Variants in ALCAM observed in about 807,000 individuals in gnomAD.
The protein encoded by ALCAM is activated leukocyte cell adhesion molecule, also known as CD166 antigen.
A neutral mutation model predicts 70.9 loss-of-function variants in ALCAM; 30 were observed. The observed-to-expected ratio is 0.42, with a 90% CI of 0.32 to 0.57. ALCAM has a LOEUF of 0.57. ALCAM is among the 20% of genes least tolerant of loss of function. ALCAM has a pLI of 0.11. For synonymous variants in ALCAM, 249 were observed against 242.5 expected (o/e 1.03, Z -0.25); for missense variants, 591 against 695.1 (o/e 0.85, Z 1.68).
chr3:105,480,410 T>C (rs1460354656), intron 1 of ALCAM, among the ~76,000 whole-genome samples: 6 of 152,104 alleles, frequency 3.9e-5, no homozygotes, highest in Non-Finnish European at 8.8e-5. Context: ...AGCTGGTGTT[T>C]TTTAAAGCTC....
chr3:105,390,102 C>T (rs1935775838), intron 1 of ALCAM, among the ~76,000 whole-genome samples: 1 of 151,960 alleles, frequency 6.6e-6, no homozygotes, highest in African/African-American at 2.4e-5. Context: ...GGTGTATACC[C>T]AGTAATGGGA....
At chr3:105,449,897 A>G (rs564366430) in intron 1 of ALCAM, among the ~76,000 whole-genome samples, 51 of 152,238 alleles carry the variant, frequency 3.4e-4, no homozygotes, top group African/African-American at 1.2e-3. Context: ...CATTAAATAG[A>G]TTGTTTTATC....
intron 1 of ALCAM, among the ~76,000 whole-genome samples, chr3:105,508,098 G>A (rs1484151543): frequency 6.6e-6 from 1 of 152,156 alleles, no homozygotes; most frequent in African/African-American, 2.4e-5. Context: ...CTGGGAGCAA[G>A]TGCCAAATTG....
chr3:105,472,610 T>G lies in ALCAM; in HGVS notation c.74-47457T>G, dbSNP rs534979275. Among the ~76,000 whole-genome samples the G allele has an allele frequency of 9.2e-5, 14 of 151,666 alleles. No individual in the cohort carries two copies. In the South Asian group the frequency reaches 2.9e-3, roughly 31 times the overall value. On this transcript the variant is annotated intron_variant, in intron 1 of 15. Coordinates refer to ENST00000306107, the MANE Select transcript of ALCAM (RefSeq NM_001627.4). ...ATACCTGTTTTATGGGTCTAGAAAC[T>G]GAGGAGCAAATAGGATTGTAAACAT...
intron 1 of ALCAM, among the ~76,000 whole-genome samples, chr3:105,440,215 G>A (rs762868128): frequency 2.0e-5 from 3 of 152,160 alleles, no homozygotes; most frequent in Non-Finnish European, 2.9e-5. Flanking sequence ...CAAAGGCATA[G>A]CATCTAAGTC....
intron 2 of ALCAM, among the ~76,000 whole-genome samples, chr3:105,523,837 G>A (rs1427215298): frequency 6.6e-6 from 1 of 152,144 alleles, no homozygotes; most frequent in Non-Finnish European, 1.5e-5. Flanking sequence ...GGTTAGAGGT[G>A]TGGACATTTA....
At chr3:105,475,803 C>G (rs928207202) in intron 1 of ALCAM, among the ~76,000 whole-genome samples, 1 of 151,914 alleles carries the variant, frequency 6.6e-6, no homozygotes, top group African/African-American at 2.4e-5. Flanking sequence ...CCCTTTCCCT[C>G]TGAACTGGAT....
At chr3:105,376,580 A>G (rs1179887637) in intron 1 of ALCAM, among the ~76,000 whole-genome samples, 2 of 152,252 alleles carry the variant, frequency 1.3e-5, no homozygotes, top group African/African-American at 2.4e-5. Flanking sequence ...TCAAGATCCT[A>G]TCACTCAAAG....
At chr3:105,440,316 C>T (rs1271213197) in intron 1 of ALCAM, among the ~76,000 whole-genome samples, 1 of 152,200 alleles carries the variant, frequency 6.6e-6, no homozygotes, top group African/African-American at 2.4e-5. Flanking sequence ...ACAAAGAAAG[C>T]ATTGGTTGCA....
rs182847124 is a variant in ALCAM at position 105,478,842 on chromosome 3, G to A, written c.74-41225G>A. Among the ~76,000 whole-genome samples, 260 of 152,094 alleles carry A rather than the reference G, an allele frequency of 1.7e-3. 2 individuals are homozygous for A. Among genetic ancestry groups the A allele is most frequent in the Non-Finnish European group, 2.6e-3 (180 of 67,972 alleles). ...ATTTTTTTGGAAATAAATATTTTAC[G>A]GGAGGCATGAATGATGATTTAGAGT... On this transcript the variant is annotated intron_variant, in intron 1 of 15. Coordinates refer to ENST00000306107, the MANE Select transcript of ALCAM (RefSeq NM_001627.4).
intron 15 of ALCAM, among the ~76,000 whole-genome samples, chr3:105,573,814 G>T (rs2152636829): frequency 6.6e-6 from 1 of 152,220 alleles, no homozygotes; most frequent in Middle Eastern, 3.4e-3. Context: ...AATTTGAGTG[G>T]GTCATCCAAG....
chr3:105,446,745 G>A (rs1424297500), intron 1 of ALCAM, among the ~76,000 whole-genome samples: 1 of 151,908 alleles, frequency 6.6e-6, no homozygotes, highest in Non-Finnish European at 1.5e-5. Context: ...GGTGAAATAA[G>A]CAAGACAAAG....
At chr3:105,518,224 A>T (rs1939432871) in intron 1 of ALCAM, among the ~76,000 whole-genome samples, 1 of 152,114 alleles carries the variant, frequency 6.6e-6, no homozygotes, top group African/African-American at 2.4e-5. Flanking sequence ...TTGCCAAAGG[A>T]AGGTATGATT....
At chr3:105,490,186 G>T (rs1374339824) in intron 1 of ALCAM, among the ~76,000 whole-genome samples, 2 of 152,138 alleles carry the variant, frequency 1.3e-5, no homozygotes, top group African/African-American at 4.8e-5. Context: ...CTTCCTTATT[G>T]AGGCATTGCA....
intron 1 of ALCAM, among the ~76,000 whole-genome samples, chr3:105,382,027 G>A (rs1452510286): frequency 6.6e-6 from 1 of 150,934 alleles, no homozygotes; most frequent in Non-Finnish European, 1.5e-5. Flanking sequence ...CCATGCTGGT[G>A]TGCTGCACCC....
intron 1 of ALCAM, among the ~76,000 whole-genome samples, chr3:105,467,676 AG>A (rs1395762825): frequency 6.6e-6 from 1 of 151,264 alleles, no homozygotes; most frequent in African/African-American, 2.4e-5. Context: ...AGAAGTGATT[AG>A]GGTGTGGTTT....
intron 1 of ALCAM, among the ~76,000 whole-genome samples, chr3:105,368,223 A>AAGAGAGAGAGAGAGAGAGAGAGCGAGAG (rs1935123665): frequency 1.5e-5 from 1 of 67,790 alleles, no homozygotes; most frequent in Non-Finnish European, 2.8e-5. Flanking sequence ...TGAGTCTTGG[A>AAGAGAGAGAGAGAGAGAGAGAGCGAGAG]AGAGAGAGAG....
chr3:105,377,165 C>T (rs923601086), intron 1 of ALCAM, among the ~76,000 whole-genome samples: 5 of 152,052 alleles, frequency 3.3e-5, no homozygotes, highest in South Asian at 2.1e-4. Context: ...CATAGCAGCA[C>T]CTATAGCTCT....
At chr3:105,422,387 T>C (rs966442318) in intron 1 of ALCAM, among the ~76,000 whole-genome samples, 6 of 151,506 alleles carry the variant, frequency 4.0e-5, no homozygotes, top group African/African-American at 4.8e-5. Flanking sequence ...CCAGTGGTAC[T>C]GGTAATGCAT....
Sources: gnomAD v4.1 joint callset for allele counts (sites outside exome capture counted in the v4.1 genomes callset) on GRCh38, gnomAD v4.1.1 for gene constraint, MANE v1.5 for transcripts, NCBI Gene and HGNC (gene_info 2026-07-23, HGNC 2026-07-21) for gene names.